RMC1: variants seen among roughly 807,000 people sequenced by gnomAD.
RMC1 encodes the protein regulator of MON1-CCZ1.
A neutral mutation model predicts 95.5 loss-of-function variants in RMC1; 44 were observed. That is an observed-to-expected ratio of 0.46 (90% CI 0.36 to 0.59). RMC1 has a LOEUF of 0.59. RMC1 is among the 20% of genes least tolerant of loss of function. The probability of loss-of-function intolerance (pLI) is 0.00; values close to 1 mark genes in which losing one functional copy is unlikely to be tolerated. For missense variants in RMC1, 705 were observed against 819.6 expected (o/e 0.86, Z 1.71); for synonymous variants, 320 against 303.6 (o/e 1.05, Z -0.56).
At chr18:23,503,970 A>G (rs950475490) in intron 1 of RMC1, among the ~76,000 whole-genome samples, 1 of 152,072 alleles carries the variant, frequency 6.6e-6, no homozygotes, top group African/African-American at 2.4e-5. Flanking sequence ...CAGTGTCTCA[A>G]TTGTTGGCGC....
rs1598926459 is a variant in RMC1, at chr18:23,531,739, C to T, written c.*35C>T. ...CTGTTTTTTTATATAAAAATGTGTACAAAGTTAATTTATTGCATTAATAAA... is the reference window on the plus strand; with the variant it reads ...CTGTTTTTTTATATAAAAATGTGTATAAAGTTAATTTATTGCATTAATAAA... On this transcript the variant is annotated 3_prime_UTR_variant, in exon 20 of 20. Coordinates refer to ENST00000269221, the MANE Select transcript of RMC1 (RefSeq NM_013326.5). 1 of 1,591,990 alleles carries T rather than the reference C, an allele frequency of 6.3e-7. No homozygotes were observed. Among genetic ancestry groups the T allele is most frequent in the Non-Finnish European group, 8.5e-7 (1 of 1,173,470 alleles).
chr18:23,529,983 T>C (rs769900781), intron 16 of RMC1, 45 bp from the exon 17 acceptor site: 1 of 1,524,644 alleles, frequency 6.6e-7, no homozygotes, highest in Non-Finnish European at 9.1e-7. Flanking sequence ...CTGTTGTAGC[T>C]GAATGATTTG....
chr18:23,531,426 G>A (rs933857909), intron 19 of RMC1, 199 bp from the exon 20 acceptor site: 5 of 1,134,058 alleles, frequency 4.4e-6, no homozygotes, highest in East Asian at 5.5e-5. Flanking sequence ...TTACCATAAG[G>A]ACAGGTTAGA....
At chr18:23,516,183 C>T in intron 6 of RMC1, 137 bp from the exon 7 acceptor site, 10 of 1,303,150 alleles carry the variant, frequency 7.7e-6, no homozygotes, top group Non-Finnish European at 9.8e-6. Context: ...GGCAGACAGG[C>T]TGTGAGAGGA....
At position 23,520,300 on chromosome 18, in the gene RMC1, G is replaced by C. The variant is rs1445412963; in HGVS notation, c.948G>C (p.Gln316His). 2 of 1,613,574 alleles carry C rather than the reference G, an allele frequency of 1.2e-6. No homozygotes were observed. The highest frequency in any genetic ancestry group is 4.5e-5 in the East Asian group (2 of 44,884). ...VLPARSIQPY[Q>H]IPITGPAAVT... ...CCGCTCGATCGATCCAGCCCTATCA[G>C]ATCCCCATCACAGGTAACACGGGTT... The change falls in exon 10 of 20, where the codon CAG becomes CAC. Residue 316 changes from glutamine to histidine, a missense_variant. Physicochemically the swap from Gln to His is conservative, Grantham distance 24 (BLOSUM62 0). Transcript: ENST00000269221.
chr18:23,526,898 GCTATGTGACCCC>G (rs1228137811), intron 13 of RMC1, 133 bp downstream of exon 13: 1 of 1,202,984 alleles, frequency 8.3e-7, no homozygotes, highest in Non-Finnish European at 1.1e-6. Context: ...GTGAGGGGTG[GCTATGTGACCCC>G]CTAGGAAAGG....
intron 5 of RMC1, among the ~76,000 whole-genome samples, chr18:23,513,925 CCTT>C (rs2145174200): frequency 6.6e-6 from 1 of 152,288 alleles, no homozygotes; most frequent in East Asian, 1.9e-4. Context: ...GATATTAACA[CCTT>C]CTTAGAGATA....
intron 4 of RMC1, among the ~76,000 whole-genome samples, chr18:23,508,959 G>T (rs1346628985): frequency 6.6e-6 from 1 of 152,182 alleles, no homozygotes; most frequent in Admixed American, 6.5e-5. Flanking sequence ...ACAAAACACA[G>T]ACTTCTCCTG....
Position 23,507,955 on chromosome 18 carries a change from TTGTGTGTGTCTG to T in RMC1, c.265-24_265-13del. 6.2e-7 allele frequency: 1 copy of T among 1,605,032 alleles called. No individual in the cohort carries two copies. Among genetic ancestry groups the T allele is most frequent in the East Asian group, 2.2e-5 (1 of 44,580 alleles). On this transcript the variant is annotated intron_variant, in intron 3 of 19. Coordinates refer to ENST00000269221, the MANE Select transcript of RMC1 (RefSeq NM_013326.5). ...TGGCAGTATGCTGCCTAATCCAAATTTGTGTGTGTCTGTGTGTTTTTCCTTTCAGGATTTTTG... is the reference window on the plus strand; with the variant it reads ...TGGCAGTATGCTGCCTAATCCAAATTTGTGTTTTTCCTTTCAGGATTTTTG...
intron 13 of RMC1, 133 bp downstream of exon 13, chr18:23,526,898 G>A: frequency 1.7e-6 from 2 of 1,203,102 alleles, no homozygotes; most frequent in Non-Finnish European, 2.3e-6. Flanking sequence ...GTGAGGGGTG[G>A]CTATGTGACC....
chr18:23,530,431 C>A lies in RMC1; in HGVS notation c.1713C>A (p.Ser571=). ...ATGAAATAGTAGAAGTTCTCCTTTC[C>A]AAACACCAAGTGTTAGCTGCCTTAA... ...ANDEIVEVLL[S]KHQVLAALRF... is the part of the protein sequence containing the mutation. Residue 571 remains serine (S), a synonymous_variant, in exon 19 of 20, where the codon TCC becomes TCA. Transcript: ENST00000269221. 1 of 1,614,256 alleles carries A rather than the reference C, an allele frequency of 6.2e-7. No homozygotes were observed.
chr18:23,516,430 C>T lies in RMC1; in HGVS notation c.653+7C>T. 1.2e-6 allele frequency: 2 copies of T among 1,612,510 alleles called. No homozygotes were observed. Among genetic ancestry groups the T allele is most frequent in the Non-Finnish European group, 1.7e-6 (2 of 1,178,514 alleles). ...ACATCGCAATGGCTACCATGTATGT[C>T]CGTGTCAGAGAGAATTCCATCCTGT... is the stretch of plus-strand genomic sequence containing the variant. On this transcript the variant is annotated splice_region_variant and intron_variant, in intron 7 of 19. Transcript: ENST00000269221.
intron 15 of RMC1, 133 bp from the exon 16 acceptor site, chr18:23,529,502 G>T (rs1652376): frequency 0.49 from 604,778 of 1,236,124 alleles, 154,768 homozygotes; most frequent in East Asian, 0.9. Flanking sequence ...CTGGAGCGAT[G>T]TGTGCAAAAC....
intron 5 of RMC1, among the ~76,000 whole-genome samples, chr18:23,514,418 G>T (rs1160705954): frequency 6.6e-6 from 1 of 152,210 alleles, no homozygotes; most frequent in Admixed American, 6.5e-5. Context: ...TTAGCTGGGT[G>T]TGGTGGTGGG....
chr18:23,527,931 C>T lies in RMC1; in HGVS notation c.1296+30C>T, dbSNP rs772070161. The T allele has an allele frequency of 2.6e-6, 4 of 1,514,858 alleles. No individual in the cohort carries two copies. In the East Asian group the frequency reaches 6.9e-5, roughly 26 times the overall value. 93.8% of individuals were successfully genotyped at this position (1,514,858 alleles called of 1,614,324 possible). The stretch of plus-strand genomic sequence containing the variant: ...GTTACATGGAGTATGACAAAGGGTC[C>T]TCCTCCCCCACCCCCTCCCGGGTAT... On this transcript the variant is annotated intron_variant, in intron 14 of 19. Transcript: ENST00000269221.
intron 5 of RMC1, among the ~76,000 whole-genome samples, chr18:23,514,692 A>T: frequency 6.6e-6 from 1 of 152,220 alleles, no homozygotes; most frequent in East Asian, 1.9e-4. Context: ...GGAGTTCCCT[A>T]TGGTAATCAT....
intron 1 of RMC1, 106 bp downstream of exon 1, chr18:23,503,826 C>A: frequency 2.1e-6 from 2 of 939,090 alleles, no homozygotes; most frequent in South Asian, 2.3e-5. Flanking sequence ...CTGTCCTGTC[C>A]CGTCCCGTCC....
chr18:23,529,500 A>T, intron 15 of RMC1, 135 bp from the exon 16 acceptor site: 1 of 1,255,646 alleles, frequency 8.0e-7, no homozygotes, highest in Non-Finnish European at 1.1e-6. Flanking sequence ...TTCTGGAGCG[A>T]TGTGTGCAAA....
intron 16 of RMC1, 37 bp from the exon 17 acceptor site, chr18:23,529,991 T>C: frequency 1.3e-6 from 2 of 1,549,014 alleles, no homozygotes; most frequent in Non-Finnish European, 1.8e-6. Context: ...GCTGAATGAT[T>C]TGGAAGTGTT....
Sources: allele counts gnomAD v4.1 joint callset (sites outside exome capture counted in the v4.1 genomes callset), GRCh38; gene constraint gnomAD v4.1.1; transcripts MANE v1.5; gene names NCBI Gene and HGNC (gene_info 2026-07-23, HGNC 2026-07-21).